The following SRCIN1 variants were observed in gnomAD, a reference collection of about 807,000 sequenced individuals.
The protein encoded by SRCIN1 is P130Cas-associated protein.
SRCIN1 carries 50 observed loss-of-function variants against 116.2 expected under a neutral mutation model. The observed-to-expected ratio is 0.43, with a 90% confidence interval of 0.34 to 0.54. The LOEUF is 0.54. Ranked by LOEUF, SRCIN1 falls within the 20% of genes least tolerant of loss-of-function variation. The pLI, the probability that SRCIN1 is intolerant of heterozygous loss-of-function variation, is 0.02. For synonymous variants in SRCIN1, 736 were observed against 750.0 expected (o/e 0.98, Z 0.30); for missense variants, 1,446 against 1,672.0 (o/e 0.86, Z 2.36).
chr17:38,598,802 T>C (rs1332079178), intron 1 of SRCIN1, among the ~76,000 whole-genome samples: 1 of 152,066 alleles, frequency 6.6e-6, no homozygotes, highest in Non-Finnish European at 1.5e-5. Context: ...CCGAATTGGA[T>C]TATAGTCCCC....
intron 2 of SRCIN1, among the ~76,000 whole-genome samples, chr17:38,576,940 C>T (rs1314530669): frequency 3.3e-5 from 5 of 152,126 alleles, no homozygotes; most frequent in African/African-American, 7.2e-5. Flanking sequence ...ACCTTAGCCA[C>T]CACCATCTGC....
In SRCIN1 at chr17:38,558,476, G is replaced by T; in HGVS notation, c.2026-74C>A. 6.6e-7 allele frequency: 1 copy of T among 1,506,094 alleles called. No homozygotes were observed. Among genetic ancestry groups the T allele is most frequent in the East Asian group, 2.5e-5 (1 of 40,450 alleles). 93.3% of individuals were successfully genotyped at this position (1,506,094 alleles called of 1,614,324 possible). A position where few individuals can be genotyped will look rare whatever the true frequency, so the allele number is the denominator to read the frequency against. On this transcript the variant is annotated intron_variant, in intron 10 of 18. Coordinates refer to ENST00000617146, the MANE Select transcript of SRCIN1 (RefSeq NM_025248.3). The surrounding 1 kb of genome is among the most constrained non-coding windows in gnomAD (Gnocchi z 4.6). ...GAGGCAGGGGAAGGGCCGGGAGAAG[G>T]CGGGTAGAGGACTGCCCAATCCAGG...
intron 1 of SRCIN1, among the ~76,000 whole-genome samples, chr17:38,605,037 A>G (rs1312937510): frequency 6.6e-6 from 1 of 150,806 alleles, no homozygotes. Context: ...TGAGGCTCAG[A>G]GGTCTCCAGG....
chr17:38,593,208 G>A (rs1399443000), intron 1 of SRCIN1, among the ~76,000 whole-genome samples: 3 of 152,184 alleles, frequency 2.0e-5, no homozygotes, highest in African/African-American at 7.2e-5. Context: ...AGGTGATGAA[G>A]AGGAGCTGAG....
At chr17:38,546,406 G>A (rs1367384807) in intron 17 of SRCIN1, 1 of 152,266 alleles carries the variant, frequency 6.6e-6, no homozygotes, top group East Asian at 1.9e-4. Context: ...GGGGCAGCAG[G>A]GACCCCCAAC....
Position 38,578,721 on chromosome 17 carries a change from C to A in SRCIN1, c.93G>T (p.Leu31=). Residue 31 remains leucine (L), a synonymous_variant, in exon 2 of 19, where the codon CTG becomes CTT. Transcript: ENST00000617146. ...CGCTGCCCCCGCCGCCCCCGCCCCC[C>A]AGGGTCCGGTACTCCCGCGGGTACT... ...DAEYPREYRT[L]GGGGGGGSGG... 1 of 1,534,020 alleles carries A rather than the reference C, an allele frequency of 6.5e-7. No individual in the cohort carries two copies. The highest frequency in any genetic ancestry group is 8.7e-7 in the Non-Finnish European group (1 of 1,144,038).
At chr17:38,561,292 C>T (rs1404827454) in intron 7 of SRCIN1, among the ~76,000 whole-genome samples, 171 bp downstream of exon 7, 7 of 152,192 alleles carry the variant, frequency 4.6e-5, no homozygotes, top group African/African-American at 1.7e-4. Flanking sequence ...CTCCAATGCC[C>T]TCTCTGCCAC....
At chr17:38,564,429 G>T in intron 3 of SRCIN1, 116 bp from the exon 4 acceptor site, 3 of 1,074,208 alleles carry the variant, frequency 2.8e-6, no homozygotes, top group Non-Finnish European at 3.9e-6. Flanking sequence ...CACCCACACA[G>T]ATTACAGACT....
rs1231660833 is a variant in SRCIN1, at chr17:38,563,946, AG to A, written c.541+171del. ...GGAAAGGGGTCGGGTGGGGATGCTG[AG>A]GGCGAGAGAGAGATGGAGAGAGCTG... On this transcript the variant is annotated intron_variant, in intron 4 of 18. Transcript: ENST00000617146. The surrounding 1 kb of genome is among the most constrained non-coding windows in gnomAD (Gnocchi z 5.8). 1.9e-5 allele frequency: 14 copies of A among 721,572 alleles called. No individual in the cohort carries two copies. Among genetic ancestry groups the A allele is most frequent in the Non-Finnish European group, 3.2e-5 (14 of 443,646 alleles). 44.7% of individuals were successfully genotyped at this position (721,572 alleles called of 1,614,324 possible).
Position 38,548,683 on chromosome 17 carries a change from C to A in SRCIN1, c.3144G>T (p.Val1048=). Reference sequence around the variant, plus strand: ...GGCGCAGCTTCACCTGGGGCTTCTGCACCTCCAGCTCCTCGGACTCAGCCT... The same window carrying A: ...GGCGCAGCTTCACCTGGGGCTTCTGAACCTCCAGCTCCTCGGACTCAGCCT... ...IKKAESEELE[V]QKPQVKLRRA... Residue 1048 remains valine, a synonymous_variant, in exon 17 of 19, where the codon GTG becomes GTT. Transcript: ENST00000617146. 1 of 1,609,452 alleles carries A rather than the reference C, an allele frequency of 6.2e-7. No individual in the cohort carries two copies. The highest frequency in any genetic ancestry group is 8.5e-7 in the Non-Finnish European group (1 of 1,178,514).
Position 38,562,471 on chromosome 17 carries a change from G to T in SRCIN1, c.835-143C>A. ...CTCCCTCCATCCTGCTGCGTCTAGG[G>T]TCCCTTTCCCATCAGGGTTCCTAGC... On this transcript the variant is annotated intron_variant, in intron 6 of 18. Transcript: ENST00000617146. The surrounding 1 kb of genome is among the most constrained non-coding windows in gnomAD (Gnocchi z 4.2). 9.3e-7 allele frequency: 1 copy of T among 1,071,524 alleles called. No homozygotes were observed. The highest frequency in any genetic ancestry group is 1.3e-6 in the Non-Finnish European group (1 of 790,006). The allele number at this position is 1,071,524 out of a possible 1,614,324, so 66.4% of individuals were successfully genotyped here.
At position 38,566,900 on chromosome 17, in the gene SRCIN1, T is replaced by TCCTTC. The variant is rs1374928425; in HGVS notation, c.345+1310_345+1311insGAAGG. Among the ~76,000 whole-genome samples, 6 of 131,134 alleles carry TCCTTC rather than the reference T, an allele frequency of 4.6e-5. No homozygotes were observed. The South Asian group carries it at 9.8e-4, about 21-fold the overall frequency. 86.0% of individuals were successfully genotyped at this position (131,134 alleles called of 152,430 possible). A position where few individuals can be genotyped will look rare whatever the true frequency, so the allele number is the denominator to read the frequency against. On this transcript the variant is annotated intron_variant, in intron 3 of 18. Transcript: ENST00000617146. ...TTCCTTCCTTCCTTCCTTCCTTCCT[T>TCCTTC]CTTTCCTTCCTTCCTTCCTTCTTTC...
Position 38,563,493 on chromosome 17 carries a change from C to A in SRCIN1, c.570G>T (p.Glu190Asp). The stretch of plus-strand genomic sequence containing the variant: ...CGTGCGTGATGTGCACGCGCCGAGT[C>A]TCCTCCCCGAACTGCAGGAACAGCA... ...PGVLFLQFGE[E>D]TRRVHITHEV... The change falls in exon 5 of 19, where the codon GAG (glutamate) becomes GAT (aspartate). Residue 190 changes from glutamate (E) to aspartate (D), a missense_variant. This residue lies in a region of SRCIN1 where 246 missense variants were observed against 265.1 expected (regional missense o/e 0.93). Coordinates refer to ENST00000617146, the MANE Select transcript of SRCIN1 (RefSeq NM_025248.3). This position sits in a 1 kb window ranked among gnomAD's most constrained non-coding sequence, Gnocchi z 5.8. 1 of 1,552,892 alleles carries A rather than the reference C, an allele frequency of 6.4e-7. No individual in the cohort carries two copies.
chr17:38,575,937 G>C (rs1907392727), intron 2 of SRCIN1, among the ~76,000 whole-genome samples: 1 of 152,140 alleles, frequency 6.6e-6, no homozygotes, highest in South Asian at 2.1e-4. Context: ...ACATTCCATG[G>C]CAAGTGAACG....
chr17:38,566,680 T>C (rs950651084), intron 3 of SRCIN1, among the ~76,000 whole-genome samples: 9 of 152,158 alleles, frequency 5.9e-5, no homozygotes, highest in African/African-American at 1.9e-4. Flanking sequence ...TCTCTGGGGA[T>C]TGGAGCCTGG....
chr17:38,552,451 G>A lies in SRCIN1; in HGVS notation c.2476C>T (p.Arg826Ter). 1 of 1,600,276 alleles carries A rather than the reference G, an allele frequency of 6.2e-7. No individual in the cohort carries two copies. The highest frequency in any genetic ancestry group is 8.5e-7 in the Non-Finnish European group (1 of 1,174,300). Residue 826 changes from arginine to a stop codon, truncating the protein, a stop_gained, in exon 13 of 19, where the codon CGA becomes TGA. Coordinates refer to ENST00000617146, the MANE Select transcript of SRCIN1 (RefSeq NM_025248.3). LOFTEE classifies it high-confidence loss of function. The surrounding 1 kb of genome is among the most constrained non-coding windows in gnomAD (Gnocchi z 5.3). ...AGAGGTCAGGGACAGAATGACCTTC[G>A]GATCTGGGCCAGCGTGTCCGTGACC... Reference protein sequence around the residue: ...RGVTDTLAQIRRQVDEGVWPP... With the variant: ...RGVTDTLAQI
intron 18 of SRCIN1, among the ~76,000 whole-genome samples, chr17:38,540,942 A>G: frequency 6.6e-6 from 1 of 152,170 alleles, no homozygotes; most frequent in East Asian, 1.9e-4. Flanking sequence ...TTTACTGTTG[A>G]AAATTTCCAC....
chr17:38,573,661 A>G (rs1435282443), intron 2 of SRCIN1, among the ~76,000 whole-genome samples: 1 of 152,196 alleles, frequency 6.6e-6, no homozygotes, highest in Non-Finnish European at 1.5e-5. Flanking sequence ...CACAGCCCCA[A>G]GATGCTCCAT....
Position 38,544,404 on chromosome 17 carries a change from C to T in SRCIN1, c.3271-435G>A, listed in dbSNP as rs1183459309. 1.3e-5 allele frequency among the ~76,000 whole-genome samples: 2 copies of T among 152,128 alleles called. No homozygotes were observed. The highest frequency in any genetic ancestry group is 4.1e-4 in the South Asian group (2 of 4,830). On this transcript the variant is annotated intron_variant, in intron 17 of 18. Transcript: ENST00000617146. The surrounding 1 kb of genome is among the most constrained non-coding windows in gnomAD (Gnocchi z 4.5). ...CAGAGGGGCAGCCCCAGGCCCACAT[C>T]CTCCTCCTAAGGGGAGGATGCAGGT...
Sources: gnomAD v4.1 joint callset for allele counts (sites outside exome capture counted in the v4.1 genomes callset) on GRCh38, gnomAD v4.1.1 for gene constraint, gnomAD v4.1.1 regional missense constraint, Gnocchi (gnomAD v3.1) non-coding constraint, MANE v1.5 for transcripts, NCBI Gene and HGNC (gene_info 2026-07-23, HGNC 2026-07-21) for gene names.